Variants in FTCD observed in about 807,000 individuals in gnomAD.
The protein encoded by FTCD is formimidoyltransferase cyclodeaminase.
FTCD carries 76 observed loss-of-function variants against 62.9 expected under a neutral mutation model. That is an observed-to-expected ratio of 1.21 (90% confidence interval 1.00 to 1.46). The LOEUF (loss-of-function observed/expected upper bound fraction) is 1.46, where lower values mean the gene tolerates loss of function less well. Ranked by LOEUF, FTCD falls within the 40% of genes most tolerant of loss-of-function variation. The pLI is 0.00. For missense variants in FTCD, 845 were observed against 751.3 expected, an observed-to-expected ratio of 1.12 and a Z score of -1.46; for synonymous variants, 397 against 336.9, an observed-to-expected ratio of 1.18 and a Z score of -1.95.
chr21:46,138,695 G>C (rs367649158), intron 11 of FTCD, 49 bp from the exon 12 acceptor site: 184 of 1,577,750 alleles, frequency 1.2e-4, no homozygotes, highest in Non-Finnish European at 1.5e-4. Context: ...ACACAGGCAG[G>C]CAGTGGACAC....
chr21:46,155,570 C>G lies in FTCD; in HGVS notation c.-47G>C, dbSNP rs201062164. On this transcript the variant is annotated 5_prime_UTR_variant, in exon 1 of 14. Transcript: ENST00000397746. ...GCTCCTCTCTGGGCAGATGGAAGGA[C>G]AGGGCCAGTGCTCCGCAGCCGCCGC... 2.3e-5 allele frequency: 36 copies of G among 1,548,498 alleles called. No homozygotes were observed. In the East Asian group the frequency reaches 7.4e-4, roughly 32 times the overall value.
rs370432703 is a variant in FTCD, at chr21:46,138,680, G to A, written c.1305-34C>T. ...AGCAAGAGGAGAGCCTGAGCACAGC[G>A]GCACACACAGGCAGGCAGTGGACAC... On this transcript the variant is annotated intron_variant, in intron 11 of 13. Coordinates refer to ENST00000397746, the MANE Select transcript of FTCD (RefSeq NM_206965.2). 94 of 1,590,160 alleles carry A rather than the reference G, an allele frequency of 5.9e-5. No individual in the cohort carries two copies. In the Middle Eastern group the frequency reaches 7.0e-4, roughly 12 times the overall value.
chr21:46,149,002 G>C (rs185733190), intron 7 of FTCD, among the ~76,000 whole-genome samples: 2 of 152,256 alleles, frequency 1.3e-5, no homozygotes, highest in East Asian at 3.9e-4. Context: ...TAATAAATTA[G>C]GGGTAAAAGA....
At chr21:46,144,997 C>T (rs868504472) in intron 10 of FTCD, among the ~76,000 whole-genome samples, 3 of 151,806 alleles carry the variant, frequency 2.0e-5, no homozygotes, top group Non-Finnish European at 2.9e-5. Context: ...TGAAACGGGT[C>T]GTCTCTGGCC....
chr21:46,145,394 G>A, intron 10 of FTCD, 23 bp downstream of exon 10: 1 of 1,526,942 alleles, frequency 6.5e-7, no homozygotes, highest in Non-Finnish European at 8.8e-7. Flanking sequence ...GGCCCGGGGA[G>A]CCCTGCTGTG....
At chr21:46,137,371 G>C in intron 12 of FTCD, 37 bp from the exon 13 acceptor site, 1 of 1,502,738 alleles carries the variant, frequency 6.7e-7, no homozygotes, top group Non-Finnish European at 9.3e-7. Flanking sequence ...ATGGATCAAG[G>C]CTGAGCAAAC....
intron 10 of FTCD, among the ~76,000 whole-genome samples, chr21:46,140,715 C>A (rs1424111216): frequency 6.7e-6 from 1 of 150,140 alleles, no homozygotes; most frequent in East Asian, 2.0e-4. Flanking sequence ...CAGCACTCCC[C>A]GTCTGCCTTC....
intron 2 of FTCD, 42 bp downstream of exon 2, chr21:46,154,107 A>C (rs1398600658): frequency 6.3e-7 from 1 of 1,599,860 alleles, no homozygotes. Flanking sequence ...CGGCCCTGAC[A>C]TTCTGAGACA....
At chr21:46,141,853 C>T (rs1457438961) in intron 10 of FTCD, among the ~76,000 whole-genome samples, 1 of 152,180 alleles carries the variant, frequency 6.6e-6, no homozygotes, top group Non-Finnish European at 1.5e-5. Context: ...CTTAACCTGC[C>T]CGGTAATGAG....
At chr21:46,137,522 C>A (rs1031360404) in intron 12 of FTCD, among the ~76,000 whole-genome samples, 188 bp from the exon 13 acceptor site, 2 of 152,224 alleles carry the variant, frequency 1.3e-5, no homozygotes, top group African/African-American at 4.8e-5. Context: ...ACAAAACTTT[C>A]TCTTATCCAA....
intron 7 of FTCD, among the ~76,000 whole-genome samples, chr21:46,148,331 A>C (rs1244722409): frequency 6.6e-6 from 1 of 152,162 alleles, no homozygotes; most frequent in Non-Finnish European, 1.5e-5. Flanking sequence ...TCCTGCCAAA[A>C]ATGCGTAACT....
chr21:46,141,445 C>T (rs1197446554), intron 10 of FTCD, among the ~76,000 whole-genome samples: 1 of 152,056 alleles, frequency 6.6e-6, no homozygotes, highest in Non-Finnish European at 1.5e-5. Flanking sequence ...TCATGCCTGG[C>T]CTATTTCTAA....
Position 46,138,646 on chromosome 21 carries a change from C to A in FTCD, c.1305G>T (p.Arg435Ser), listed in dbSNP as rs1196289518. 6.3e-7 allele frequency: 1 copy of A among 1,595,794 alleles called. No homozygotes were observed. Among genetic ancestry groups the A allele is most frequent in the Non-Finnish European group, 8.5e-7 (1 of 1,177,982 alleles). Reference sequence around the variant, plus strand: ...GACCCTCCTGTAGGGCCGCCGTGCGCCTGAAAGGAGCAAGAGGAGAGCCTG... The same window carrying A: ...GACCCTCCTGTAGGGCCGCCGTGCGACTGAAAGGAGCAAGAGGAGAGCCTG... ...LPKNTPEEKD[R>S]RTAALQEGLR... The change falls in exon 12 of 14, where the codon AGG becomes AGT. Residue 435 changes from arginine (R) to serine (S), a missense_variant and splice_region_variant. Arg to Ser is a moderately radical substitution (Grantham distance 110). Coordinates refer to ENST00000397746, the MANE Select transcript of FTCD (RefSeq NM_206965.2).
At chr21:46,151,300 A>G (rs1288368121) in intron 5 of FTCD, among the ~76,000 whole-genome samples, 1 of 152,204 alleles carries the variant, frequency 6.6e-6, no homozygotes, top group Non-Finnish European at 1.5e-5. Context: ...CCACATGTTA[A>G]CAAAGGGAAG....
chr21:46,154,237 G>A lies in FTCD; in HGVS notation c.150C>T (p.Thr50=). Reference sequence around the variant, plus strand: ...CCACGCACTCCGGCGGCCCCACGAAGGTGTACACGGTGCGGTTGGTGGAAG... The same window carrying A: ...CCACGCACTCCGGCGGCCCCACGAAAGTGTACACGGTGCGGTTGGTGGAAG... ...AGPSTNRTVY[T]FVGPPECVVE... The change falls in exon 2 of 14, where the codon ACC becomes ACT. Residue 50 remains threonine, a synonymous_variant. Coordinates refer to ENST00000397746, the MANE Select transcript of FTCD (RefSeq NM_206965.2). The A allele has an allele frequency of 6.2e-7, 1 of 1,612,794 alleles. No individual in the cohort carries two copies. Among genetic ancestry groups the A allele is most frequent in the East Asian group, 2.2e-5 (1 of 44,880 alleles).
Position 46,138,637 on chromosome 21 carries a change from C to T in FTCD, c.1314G>A (p.Ala438=), listed in dbSNP as rs777750537. ...NTPEEKDRRT[A]ALQEGLRRAV... is the part of the protein sequence containing the mutation. ...CCCGCCTCAGACCCTCCTGTAGGGC[C>T]GCCGTGCGCCTGAAAGGAGCAAGAG... The change falls in exon 12 of 14, where the codon GCG becomes GCA. Residue 438 remains alanine, a synonymous_variant. Transcript: ENST00000397746. 1.3e-5 allele frequency: 20 copies of T among 1,594,804 alleles called. No homozygotes were observed. Among genetic ancestry groups the T allele is most frequent in the South Asian group, 5.5e-5 (5 of 90,276 alleles).
chr21:46,151,117 G>A (rs1340447508), intron 5 of FTCD, among the ~76,000 whole-genome samples: 1 of 152,202 alleles, frequency 6.6e-6, no homozygotes, highest in African/African-American at 2.4e-5. Context: ...TATACCCGGA[G>A]TGACGCTCAG....
At chr21:46,154,086 A>G (rs2079370339) in intron 2 of FTCD, 63 bp downstream of exon 2, 9 of 1,552,464 alleles carry the variant, frequency 5.8e-6, no homozygotes, top group Non-Finnish European at 8.0e-6. Context: ...CCAGGACACC[A>G]GGACAGGGCT....
rs200000573 is a variant in FTCD at position 46,137,223 on chromosome 21, C to T, written c.1539+16G>A. On this transcript the variant is annotated intron_variant, in intron 13 of 13. Transcript: ENST00000397746. The stretch of plus-strand genomic sequence containing the variant: ...CCCCACGTGGGGTCCGGGCACCACA[C>T]CTGCCTCCTGCTCACCTGGTCCTTA... 1.9e-6 allele frequency: 3 copies of T among 1,602,164 alleles called. No individual in the cohort carries two copies. The highest frequency in any genetic ancestry group is 1.7e-6 in the Non-Finnish European group (2 of 1,169,368).
Sources: allele counts gnomAD v4.1 joint callset (sites outside exome capture counted in the v4.1 genomes callset), GRCh38; gene constraint gnomAD v4.1.1; transcripts MANE v1.5; gene names NCBI Gene and HGNC (gene_info 2026-07-23, HGNC 2026-07-21).